The following TADA3 variants were observed in gnomAD, a reference collection of about 807,000 sequenced individuals.
TADA3 encodes transcriptional adapter 3.
In TADA3, 25 loss-of-function variants were observed where a neutral mutation model predicts 43.2. The ratio of observed to expected loss-of-function variants is 0.58; its 90% CI spans 0.42 to 0.81. TADA3 has a LOEUF of 0.81. TADA3 is among the 30% of genes least tolerant of loss of function. The pLI is 0.00. For synonymous variants in TADA3, 235 were observed against 225.5 expected (o/e 1.04, Z -0.38); for missense variants, 441 against 567.8 (o/e 0.78, Z 2.27).
chr3:9,780,610 T>G, intron 8 of TADA3, 61 bp from the exon 9 acceptor site: 1 of 1,511,516 alleles, frequency 6.6e-7, no homozygotes, highest in South Asian at 1.2e-5. Flanking sequence ...AACCCCTCCC[T>G]CTTCAAGACC....
chr3:9,789,673 A>G (rs777414708), intron 3 of TADA3, 40 bp downstream of exon 3: 3 of 1,609,750 alleles, frequency 1.9e-6, no homozygotes, highest in Non-Finnish European at 2.5e-6. Context: ...CTCCACCACC[A>G]GAACCTTGAG....
At position 9,787,329 on chromosome 3, in the gene TADA3, C is replaced by T. The variant is rs781695056; in HGVS notation, c.576G>A (p.Leu192=). Residue 192 remains leucine (L), a synonymous_variant, in exon 5 of 9, where the codon CTG becomes CTA. Transcript: ENST00000301964. The part of the protein sequence containing the change: ...DEAEHYKIPP[L]GKHYSQRWAQ... ...CCCAGCGCTGGGAGTAGTGCTTCCC[C>T]AGGGGTGGGATCTGTGGAAAAGATG... The T allele has an allele frequency of 1.2e-6, 2 of 1,611,892 alleles. No individual in the cohort carries two copies. Among genetic ancestry groups the T allele is most frequent in the Non-Finnish European group, 1.7e-6 (2 of 1,178,976 alleles).
chr3:9,789,817 T>A lies in TADA3; in HGVS notation c.354A>T (p.Pro118=). 1 of 1,614,270 alleles carries A rather than the reference T, an allele frequency of 6.2e-7. No homozygotes were observed. The highest frequency in any genetic ancestry group is 8.5e-7 in the Non-Finnish European group (1 of 1,180,048). Residue 118 remains proline (P), a synonymous_variant, in exon 3 of 9, where the codon CCA becomes CCT. Coordinates refer to ENST00000301964, the MANE Select transcript of TADA3 (RefSeq NM_006354.5). The part of the protein sequence containing the change: ...GKAGHGPGPG[P]GRPKSKNLQP... ...GAAGGTTTTTGGATTTGGGCCGTCC[T>A]GGGCCAGGGCCCGGCCCATGTCCTG...
rs1046963117 is a variant in TADA3 at position 9,780,038 on chromosome 3, T to C, written c.*319A>G. On this transcript the variant is annotated 3_prime_UTR_variant, in exon 9 of 9. Coordinates refer to ENST00000301964, the MANE Select transcript of TADA3 (RefSeq NM_006354.5). ...TTACAAAACCACAAGGGAGAAGTCC[T>C]TGAAGGGGAGACAGGGGTAGGGGAT... 2.7e-5 allele frequency: 7 copies of C among 256,708 alleles called. No homozygotes were observed. The highest frequency in any genetic ancestry group is 4.4e-5 in the Non-Finnish European group (6 of 135,894). 15.9% of individuals were successfully genotyped at this position (256,708 alleles called of 1,614,324 possible).
chr3:9,781,565 C>G (rs1201460400), intron 8 of TADA3: 1 of 456,630 alleles, frequency 2.2e-6, no homozygotes, highest in South Asian at 1.5e-5. Flanking sequence ...CATTCCAGAG[C>G]CCCCTAAGGT....
In TADA3 at chr3:9,789,901, A is replaced by G. The variant is rs1234084331; in HGVS notation, c.270T>C (p.His90=). 1 of 1,614,000 alleles carries G rather than the reference A, an allele frequency of 6.2e-7. No homozygotes were observed. Among genetic ancestry groups the G allele is most frequent in the Admixed American group, 1.7e-5 (1 of 59,992 alleles). Residue 90 remains histidine, a synonymous_variant, in exon 3 of 9, where the codon CAT becomes CAC. Transcript: ENST00000301964. ...CATGTTTGGGGGGAGCTCCAAGTTC[A>G]TGGTCTCGACCCAGCTTCAGGAATC... The part of the protein sequence containing the change: ...DRRFLKLGRD[H]ELGAPPKHGK...
In TADA3 at chr3:9,790,012, A is replaced by G. The variant is rs375892705; in HGVS notation, c.208-49T>C. ...TGAGGGGGAGAAGGGAAAACACAGA[A>G]TATCTCTTTCCTCTAGTGAATAAAT... On this transcript the variant is annotated intron_variant, in intron 2 of 8. Coordinates refer to ENST00000301964, the MANE Select transcript of TADA3 (RefSeq NM_006354.5). 6.5e-6 allele frequency: 10 copies of G among 1,532,184 alleles called. No individual in the cohort carries two copies. The African/African-American group carries it at 8.3e-5, about 13-fold the overall frequency. The allele number at this position is 1,532,184 out of a possible 1,614,324, so 94.9% of individuals were successfully genotyped here.
At chr3:9,789,041 G>T (rs1378772473) in intron 4 of TADA3, among the ~76,000 whole-genome samples, 1 of 151,912 alleles carries the variant, frequency 6.6e-6, no homozygotes, top group East Asian at 1.9e-4. Context: ...TCACCATGTT[G>T]CCCAGGCTGG....
intron 4 of TADA3, chr3:9,788,035 A>G (rs1464047081): frequency 4.9e-5 from 14 of 286,938 alleles, no homozygotes. Context: ...GGAGAGGGGC[A>G]CTGGAGCTGT....
At position 9,784,063 on chromosome 3, in the gene TADA3, A is replaced by G; in HGVS notation, c.1071T>C (p.Ser357=). ...CGTGCTTCTTGGTGCGGTTGTGGGC[A>G]CTAAGTGCCTTCAGCTCAGCCTGCC... ...RKRQAELKAL[S]AHNRTKKHDL... Residue 357 remains serine (S), a synonymous_variant, in exon 8 of 9, where the codon AGT becomes AGC. Transcript: ENST00000301964. The G allele has an allele frequency of 1.9e-6, 3 of 1,614,136 alleles. No individual in the cohort carries two copies. The highest frequency in any genetic ancestry group is 1.1e-5 in the South Asian group (1 of 91,080).
At chr3:9,785,201 G>C (rs2125621506) in intron 7 of TADA3, 115 bp downstream of exon 7, 1 of 720,706 alleles carries the variant, frequency 1.4e-6, no homozygotes, top group East Asian at 2.6e-5. Flanking sequence ...ACTGCTATTA[G>C]GCTTCACCTA....
chr3:9,785,307 A>C lies in TADA3; in HGVS notation c.920+9T>G. On this transcript the variant is annotated intron_variant, in intron 7 of 8. Coordinates refer to ENST00000301964, the MANE Select transcript of TADA3 (RefSeq NM_006354.5). ...CCAGACTGTGGGTTGTGGATAGGAC[A>C]CCACTCACCTGAAGGGCTTGTTCTG... 1 of 1,607,822 alleles carries C rather than the reference A, an allele frequency of 6.2e-7. No individual in the cohort carries two copies. The highest frequency in any genetic ancestry group is 2.2e-5 in the East Asian group (1 of 44,780).
chr3:9,792,958 C>T, upstream of TADA3: 1 of 1,411,330 alleles, frequency 7.1e-7, no homozygotes, highest in East Asian at 2.8e-5. Flanking sequence ...GGAAAACTTC[C>T]GGAAGGCCCA....
chr3:9,786,419 G>A (rs542647509), intron 6 of TADA3, among the ~76,000 whole-genome samples: 1 of 152,308 alleles, frequency 6.6e-6, no homozygotes, highest in Non-Finnish European at 1.5e-5. Context: ...AAACTCTTGT[G>A]TTTGAGCCAG....
rs1373851245 is a variant in TADA3 at position 9,780,159 on chromosome 3, G to A, written c.*198C>T. On this transcript the variant is annotated 3_prime_UTR_variant, in exon 9 of 9. Transcript: ENST00000301964. ...GGGACCAAGCAGAGACTAGGCCTCA[G>A]GCTAGCCCAGCAGGGCTTCCTGTGT... is the stretch of plus-strand genomic sequence containing the variant. 1.7e-5 allele frequency: 9 copies of A among 525,572 alleles called. No homozygotes were observed. Among genetic ancestry groups the A allele is most frequent in the Admixed American group, 1.0e-4 (3 of 28,908 alleles). 32.6% of individuals were successfully genotyped at this position (525,572 alleles called of 1,614,324 possible).
chr3:9,789,643 C>T (rs200251712), intron 3 of TADA3, 29 bp from the exon 4 acceptor site: 35 of 1,611,408 alleles, frequency 2.2e-5, no homozygotes, highest in Non-Finnish European at 2.3e-5. Flanking sequence ...CCTGAGTGGG[C>T]GCCCCTGCCC....
At chr3:9,789,400 G>T in intron 4 of TADA3, 109 bp downstream of exon 4, 2 of 990,580 alleles carry the variant, frequency 2.0e-6, no homozygotes, top group South Asian at 1.6e-5. Context: ...ACAGCAGACT[G>T]GGCAGGGTTG....
Position 9,780,008 on chromosome 3 carries a change from G to A in TADA3, c.*349C>T. On this transcript the variant is annotated 3_prime_UTR_variant, in exon 9 of 9. Transcript: ENST00000301964. ...CAGCAGTCACTTTATTCTTAAGTTT[G>A]CACTTTACAAAACCACAAGGGAGAA... is the stretch of plus-strand genomic sequence containing the variant. 5.1e-6 allele frequency: 1 copy of A among 197,604 alleles called. No homozygotes were observed. The highest frequency in any genetic ancestry group is 1.0e-5 in the Non-Finnish European group (1 of 98,170). 12.2% of individuals were successfully genotyped at this position (197,604 alleles called of 1,614,324 possible). A position where few individuals can be genotyped will look rare whatever the true frequency, so the allele number is the denominator to read the frequency against.
At chr3:9,783,134 G>A (rs2078518962) in intron 8 of TADA3, 2 of 152,104 alleles carry the variant, frequency 1.3e-5, no homozygotes, top group African/African-American at 4.8e-5. Context: ...AGTCTAGGTG[G>A]AGAATATACT....
Sources: gnomAD v4.1 joint callset for allele counts (sites outside exome capture counted in the v4.1 genomes callset) on GRCh38, gnomAD v4.1.1 for gene constraint, MANE v1.5 for transcripts, NCBI Gene and HGNC (gene_info 2026-07-23, HGNC 2026-07-21) for gene names.